The following DYNC2I1 variants were observed in gnomAD, a reference collection of about 807,000 sequenced individuals.
DYNC2I1 encodes the protein cytoplasmic dynein 2 intermediate chain 1.
Under a neutral mutation model 133.4 loss-of-function variants are expected in DYNC2I1, and 89 were observed. The ratio of observed to expected loss-of-function variants is 0.67; its 90% confidence interval spans 0.56 to 0.80. The LOEUF is 0.80. Among genes scored for constraint, DYNC2I1 ranks in the 30% least tolerant of loss-of-function variants. The pLI is 0.00. For synonymous variants in DYNC2I1, 504 were observed against 484.3 expected, an observed-to-expected ratio of 1.04 and a Z score of -0.54; for missense variants, 1,291 against 1,314.5, an observed-to-expected ratio of 0.98 and a Z score of 0.28.
At position 158,887,090 on chromosome 7, in the gene DYNC2I1, A is replaced by G; in HGVS notation, c.990+15A>G. On this transcript the variant is annotated intron_variant, in intron 7 of 24. Transcript: ENST00000407559. ...CAAGACGGAAGGTAAGGCAGTCTCC[A>G]CTGAGAATACATTGATTTTATGGTA... is the stretch of plus-strand genomic sequence containing the variant. The G allele has an allele frequency of 6.2e-7, 1 of 1,611,020 alleles. No homozygotes were observed. Among genetic ancestry groups the G allele is most frequent in the Non-Finnish European group, 8.5e-7 (1 of 1,177,312 alleles).
chr7:158,948,715 C>A (rs1003527489), downstream of DYNC2I1, among the ~76,000 whole-genome samples: 1 of 152,148 alleles, frequency 6.6e-6, no homozygotes, highest in African/African-American at 2.4e-5. Flanking sequence ...TGACCCCACA[C>A]CCCCCACAAT....
At chr7:158,849,753 G>C in the DYNC2I1 span, among the ~76,000 whole-genome samples, 1 of 152,204 alleles carries the variant, frequency 6.6e-6, no homozygotes, top group South Asian at 2.1e-4. Flanking sequence ...GCTCTCAACA[G>C]AGAGGGTACT....
intron 1 of DYNC2I1, chr7:158,869,480 G>A: frequency 2.1e-6 from 1 of 473,386 alleles, no homozygotes; most frequent in Non-Finnish European, 4.4e-6. Flanking sequence ...TGTGTGCACA[G>A]CATTTGGGAC....
At chr7:158,881,753 A>AT (rs1345170043) in intron 5 of DYNC2I1, among the ~76,000 whole-genome samples, 5 of 152,024 alleles carry the variant, frequency 3.3e-5, no homozygotes, top group African/African-American at 1.2e-4. Context: ...GCGCCCGGCC[A>AT]TTTTTTTTGT....
intron 8 of DYNC2I1, among the ~76,000 whole-genome samples, chr7:158,897,223 A>G (rs1845840626): frequency 6.6e-6 from 1 of 151,296 alleles, no homozygotes; most frequent in South Asian, 2.1e-4. Context: ...ACCTCAGGTA[A>G]TTCACCCATC....
chr7:158,930,346 T>A (rs1211658827), intron 20 of DYNC2I1, 109 bp from the exon 21 acceptor site: 9 of 970,688 alleles, frequency 9.3e-6, no homozygotes, highest in Admixed American at 2.0e-5. Context: ...TTGATGTTAT[T>A]TCCTAACACA....
intron 14 of DYNC2I1, among the ~76,000 whole-genome samples, chr7:158,916,980 G>A (rs1848419217): frequency 3.4e-5 from 2 of 58,410 alleles, no homozygotes; most frequent in African/African-American, 6.3e-5. Context: ...ACGTCTACAC[G>A]CTGGTTGACA....
chr7:158,867,343 G>T (rs1842498983), intron 1 of DYNC2I1, among the ~76,000 whole-genome samples: 1 of 152,154 alleles, frequency 6.6e-6, no homozygotes, highest in Non-Finnish European at 1.5e-5. Context: ...TGTTACTGTG[G>T]CATGGTGATA....
chr7:158,915,859 G>T (rs1323979800), intron 14 of DYNC2I1, among the ~76,000 whole-genome samples: 1 of 150,132 alleles, frequency 6.7e-6, no homozygotes, highest in East Asian at 2.0e-4. Context: ...TGACATTAAG[G>T]ATGATTGTGA....
At chr7:158,915,150 T>C (rs1345530066) in intron 14 of DYNC2I1, among the ~76,000 whole-genome samples, 1 of 151,546 alleles carries the variant, frequency 6.6e-6, no homozygotes. Context: ...TTAAGGATGA[T>C]TGTGAAATGT....
At chr7:158,928,776 TAGTC>T (rs58263375) in intron 20 of DYNC2I1, among the ~76,000 whole-genome samples, 74,368 of 151,368 alleles carry the variant, frequency 0.49, 18,734 homozygotes, top group South Asian at 0.55. Flanking sequence ...GAGACCCACA[TAGTC>T]AGTCTCAGCA....
At position 158,879,895 on chromosome 7, in the gene DYNC2I1, A is replaced by G. The variant is rs138438967; in HGVS notation, c.785A>G (p.Lys262Arg). Residue 262 changes from lysine to arginine, a missense_variant, in exon 5 of 25, where the codon AAA (lysine) becomes AGA (arginine). Transcript: ENST00000407559. The stretch of plus-strand genomic sequence containing the variant: ...GAAAGACATAAAGAAAAGCGACACA[A>G]AGAAGGTTTTCATTTTGATGATGAG... ...GEERHKEKRH[K>R]EGFHFDDERH... is the part of the protein sequence containing the mutation. The G allele has an allele frequency of 1.0e-4, 168 of 1,613,462 alleles. No individual in the cohort carries two copies. In the African/African-American group the frequency reaches 2.0e-3, roughly 20 times the overall value.
At chr7:158,952,394 T>G (rs1184879477) in intron 4 of DYNC2I1, among the ~76,000 whole-genome samples, 1 of 152,146 alleles carries the variant, frequency 6.6e-6, no homozygotes, top group Non-Finnish European at 1.5e-5. Flanking sequence ...TTAGCTTTTC[T>G]TCTCCATGGC....
intron 13 of DYNC2I1, 118 bp from the exon 14 acceptor site, chr7:158,914,115 C>A: frequency 1.4e-6 from 1 of 739,148 alleles, no homozygotes; most frequent in Non-Finnish European, 2.1e-6. Context: ...AGTTTTCTGT[C>A]TTTTCCTTCT....
upstream of DYNC2I1, among the ~76,000 whole-genome samples, chr7:158,855,151 G>A (rs1841151900): frequency 1.3e-5 from 2 of 152,256 alleles, no homozygotes; most frequent in African/African-American, 4.8e-5. Flanking sequence ...CTGTGCAGGA[G>A]ACTAGAGTTT....
intron 10 of DYNC2I1, chr7:158,902,886 T>C (rs1846383730): frequency 5.6e-6 from 2 of 359,660 alleles, no homozygotes; most frequent in East Asian, 1.0e-4. Flanking sequence ...TGAGCACTGA[T>C]GCTCCTGTTC....
At chr7:158,957,196 GTTC>G (rs368303617), downstream of DYNC2I1, among the ~76,000 whole-genome samples, 120 of 152,306 alleles carry the variant, frequency 7.9e-4, no homozygotes, top group East Asian at 0.018. Context: ...CAAAATGCAT[GTTC>G]TTCTTCTTTT....
Position 158,864,401 on chromosome 7 carries a change from G to A in DYNC2I1, c.16-5454G>A, listed in dbSNP as rs578242902. ...GCCTTTGCTGCTTTGCACAGAGCTA[G>A]TGGTCATCCTGAAGGTCCAGAATGG... On this transcript the variant is annotated intron_variant, in intron 1 of 24. Transcript: ENST00000407559. Among the ~76,000 whole-genome samples, 11 of 152,292 alleles carry A rather than the reference G, an allele frequency of 7.2e-5. 1 individual carries two copies. The highest frequency in any genetic ancestry group is 1.4e-4 in the African/African-American group (6 of 41,542).
chr7:158,921,010 G>C (rs1050784076), intron 15 of DYNC2I1, among the ~76,000 whole-genome samples: 1 of 152,198 alleles, frequency 6.6e-6, no homozygotes, highest in African/African-American at 2.4e-5. Context: ...GCTATGCCCT[G>C]GGCACTGTCG....
Sources: gnomAD v4.1 joint callset for allele counts (sites outside exome capture counted in the v4.1 genomes callset) on GRCh38, gnomAD v4.1.1 for gene constraint, MANE v1.5 for transcripts, NCBI Gene and HGNC (gene_info 2026-07-23, HGNC 2026-07-21) for gene names.